The following TMEM164 variants were observed in gnomAD, a reference collection of about 807,000 sequenced individuals.
TMEM164 encodes RP13-360B22.2.
A neutral mutation model predicts 18.8 loss-of-function variants in TMEM164; 4 were observed. That is an observed-to-expected ratio of 0.21 (90% CI 0.10 to 0.49). The LOEUF is 0.49. TMEM164 is among the 20% of genes least tolerant of loss of function. The pLI is 0.98. For synonymous variants in TMEM164, 86 were observed against 101.7 expected (o/e 0.85, Z 0.93); for missense variants, 108 against 239.9 (o/e 0.45, Z 3.63).
chrX:110,116,680 C>A (rs1396922906), intron 4 of TMEM164, among the ~76,000 whole-genome samples: 1 of 111,716 alleles, frequency 9.0e-6, no homozygotes, highest in Non-Finnish European at 1.9e-5. Context: ...TTTCAACCTC[C>A]ACAAATAAGA....
intron 4 of TMEM164, among the ~76,000 whole-genome samples, chrX:110,141,015 C>A (rs1460687992): frequency 8.9e-6 from 1 of 111,782 alleles, no homozygotes; most frequent in Non-Finnish European, 1.9e-5. Flanking sequence ...ATGGTGCATG[C>A]CTATAGTCCC....
intron 2 of TMEM164, among the ~76,000 whole-genome samples, chrX:110,029,991 T>G (rs1044837257): frequency 7.3e-5 from 8 of 110,061 alleles, no homozygotes; most frequent in Admixed American, 3.9e-4. Context: ...TAGCATATGA[T>G]CATAAATTAA....
At chrX:110,053,889 T>C (rs1482184628) in intron 2 of TMEM164, among the ~76,000 whole-genome samples, 1 of 112,118 alleles carries the variant, frequency 8.9e-6, no homozygotes, top group Non-Finnish European at 1.9e-5. Flanking sequence ...CTCTTCCAGC[T>C]TATGTCCTGG....
At chrX:110,180,366 A>AAAT (rs1218642234), downstream of TMEM164, among the ~76,000 whole-genome samples, 1 of 112,541 alleles carries the variant, frequency 8.9e-6, no homozygotes, top group East Asian at 2.8e-4. Flanking sequence ...GGAGGAACAG[A>AAAT]AATACACAGA....
At chrX:110,160,493 T>G (rs2067078511) in intron 5 of TMEM164, among the ~76,000 whole-genome samples, 1 of 112,555 alleles carries the variant, frequency 8.9e-6, no homozygotes, top group African/African-American at 3.2e-5. Flanking sequence ...ATTTTAAAAA[T>G]ATTTTGGTAA....
intron 3 of TMEM164, among the ~76,000 whole-genome samples, chrX:110,096,723 A>T (rs1016561409): frequency 8.9e-6 from 1 of 111,880 alleles, no homozygotes; most frequent in Non-Finnish European, 1.9e-5. Context: ...TGAACCTGGT[A>T]CCTCAGTTGG....
intron 5 of TMEM164, among the ~76,000 whole-genome samples, chrX:110,146,626 C>G (rs1466826086): frequency 8.9e-6 from 1 of 111,856 alleles, no homozygotes; most frequent in Non-Finnish European, 1.9e-5. Context: ...ACTCCAGGAC[C>G]TCAATGAGAG....
intron 2 of TMEM164, among the ~76,000 whole-genome samples, chrX:110,039,749 A>T (rs766854328): frequency 4.4e-5 from 5 of 112,651 alleles, no homozygotes; most frequent in Non-Finnish European, 9.4e-5. Flanking sequence ...TAATCTTCAG[A>T]AATAACACCA....
At chrX:110,123,305 CTT>C (rs1162310964) in intron 4 of TMEM164, among the ~76,000 whole-genome samples, 1 of 112,471 alleles carries the variant, frequency 8.9e-6, no homozygotes, top group African/African-American at 3.2e-5. Context: ...ACCACACTGT[CTT>C]GATTGCTGTA....
intron 4 of TMEM164, among the ~76,000 whole-genome samples, chrX:110,136,459 C>T (rs1309026501): frequency 8.9e-6 from 1 of 112,095 alleles, no homozygotes; most frequent in Non-Finnish European, 1.9e-5. Flanking sequence ...TGCATCCTTT[C>T]CCCTCTAAAG....
At chrX:110,117,998 T>C (rs2066396436) in intron 4 of TMEM164, among the ~76,000 whole-genome samples, 1 of 112,062 alleles carries the variant, frequency 8.9e-6, no homozygotes, top group African/African-American at 3.2e-5. Context: ...CTGCAACCTT[T>C]GCCTCTCAGG....
In TMEM164 at chrX:110,020,073, T is replaced by C. The variant is rs192471466; in HGVS notation, c.390+15909T>C. On this transcript the variant is annotated intron_variant, in intron 2 of 6. Transcript: ENST00000372068. Reference sequence around the variant, plus strand: ...CCTCTTGTGAAGCTGTCTTCAAGCCTCTAAGCCGGATTTAGCCTCTCTTGT... The same window carrying C: ...CCTCTTGTGAAGCTGTCTTCAAGCCCCTAAGCCGGATTTAGCCTCTCTTGT... Among the ~76,000 whole-genome samples, 7 of 112,440 alleles carry C rather than the reference T, an allele frequency of 6.2e-5. No individual in the cohort carries two copies. In the East Asian group the frequency reaches 1.7e-3, roughly 27 times the overall value.
intron 4 of TMEM164, among the ~76,000 whole-genome samples, chrX:110,128,306 C>A (rs1451614139): frequency 8.9e-6 from 1 of 112,223 alleles, no homozygotes; most frequent in Non-Finnish European, 1.9e-5. Flanking sequence ...GATGTGACTA[C>A]TATGTGTCCA....
intron 3 of TMEM164, among the ~76,000 whole-genome samples, chrX:110,098,447 G>C (rs1002411509): frequency 4.5e-5 from 5 of 110,818 alleles, no homozygotes; most frequent in Non-Finnish European, 9.4e-5. Context: ...GAGTTGTAGG[G>C]TGAGTACTAG....
chrX:110,093,088 G>T (rs1026637484), intron 3 of TMEM164, among the ~76,000 whole-genome samples: 10 of 111,845 alleles, frequency 8.9e-5, no homozygotes, highest in Non-Finnish European at 1.9e-4. Flanking sequence ...TAAGCTTTTT[G>T]ATGTGTTGCT....
downstream of TMEM164, among the ~76,000 whole-genome samples, chrX:110,180,300 G>C (rs576834070): frequency 4.6e-3 from 515 of 112,645 alleles, 17 homozygotes; most frequent in South Asian, 0.029. Flanking sequence ...GCTTGAGATG[G>C]TTACAACCTG....
chrX:110,018,452 G>A (rs1420110116), intron 2 of TMEM164, among the ~76,000 whole-genome samples: 1 of 112,233 alleles, frequency 8.9e-6, no homozygotes, highest in Non-Finnish European at 1.9e-5. Context: ...GTAGTTAAAA[G>A]TGCAGGCTCT....
At chrX:110,100,565 T>C (rs2066094175) in intron 3 of TMEM164, among the ~76,000 whole-genome samples, 1 of 110,821 alleles carries the variant, frequency 9.0e-6, no homozygotes, top group Non-Finnish European at 1.9e-5. Flanking sequence ...CACTTGGTCA[T>C]AGAGTATTAT....
chrX:110,011,087 C>G (rs903322179), intron 2 of TMEM164, among the ~76,000 whole-genome samples: 2 of 111,371 alleles, frequency 1.8e-5, no homozygotes, highest in Middle Eastern at 4.7e-3. Context: ...AGATATTTAT[C>G]GAATGCCTAT....
Sources: allele counts gnomAD v4.1 joint callset (sites outside exome capture counted in the v4.1 genomes callset), GRCh38; gene constraint gnomAD v4.1.1; transcripts MANE v1.5; gene names NCBI Gene and HGNC (gene_info 2026-07-23, HGNC 2026-07-21).